Variants in CEP128 observed in about 807,000 individuals in gnomAD.
The protein encoded by CEP128 is centrosomal protein 128kDa.
Under a neutral mutation model 156.7 loss-of-function variants are expected in CEP128, and 132 were observed. That is an observed-to-expected ratio of 0.84 (90% CI 0.73 to 0.97). CEP128 has a LOEUF of 0.97. CEP128 is among the 50% of genes least tolerant of loss of function. The pLI is 0.00. For synonymous variants in CEP128, 469 were observed against 448.9 expected (o/e 1.04, Z -0.57); for missense variants, 1,252 against 1,281.9 (o/e 0.98, Z 0.36).
chr14:80,860,625 A>G (rs1017355498), intron 9 of CEP128, among the ~76,000 whole-genome samples: 1 of 151,978 alleles, frequency 6.6e-6, no homozygotes, highest in Non-Finnish European at 1.5e-5. Context: ...TCAAGGTTAA[A>G]AAAAAAAAGC....
At chr14:80,923,870 T>C (rs553029136) in intron 2 of CEP128, among the ~76,000 whole-genome samples, 5 of 152,170 alleles carry the variant, frequency 3.3e-5, no homozygotes, top group Non-Finnish European at 7.3e-5. Context: ...GACAGGATCA[T>C]GGAGGCAGTT....
chr14:80,695,708 C>T (rs1222636566), intron 19 of CEP128, among the ~76,000 whole-genome samples: 1 of 124,978 alleles, frequency 8.0e-6, no homozygotes, highest in Non-Finnish European at 1.6e-5. Context: ...CAAGAGACTC[C>T]ATCTCAAAAA....
chr14:80,923,270 G>T (rs1475623309), intron 2 of CEP128, among the ~76,000 whole-genome samples: 1 of 152,160 alleles, frequency 6.6e-6, no homozygotes, highest in Non-Finnish European at 1.5e-5. Flanking sequence ...CTATCCATCT[G>T]AAACAAATGC....
intron 19 of CEP128, among the ~76,000 whole-genome samples, chr14:80,668,538 C>T (rs114068807): frequency 0.052 from 7,984 of 152,112 alleles, 374 homozygotes; most frequent in South Asian, 0.25. Context: ...TAACATGAAA[C>T]ATCAATTATG....
At chr14:80,578,947 G>C (rs1314531994) in intron 20 of CEP128, among the ~76,000 whole-genome samples, 1 of 152,130 alleles carries the variant, frequency 6.6e-6, no homozygotes, top group Non-Finnish European at 1.5e-5. Flanking sequence ...ATAGCTAGTT[G>C]GTTGGTGCAT....
intron 12 of CEP128, 134 bp from the exon 13 acceptor site, chr14:80,831,428 T>C (rs1595469964): frequency 1.2e-6 from 1 of 858,744 alleles, no homozygotes; most frequent in South Asian, 2.3e-5. Context: ...TCAACAGACT[T>C]TGCCAGCCTG....
intron 19 of CEP128, among the ~76,000 whole-genome samples, chr14:80,720,026 G>A (rs1897754906): frequency 6.6e-6 from 1 of 152,114 alleles, no homozygotes; most frequent in African/African-American, 2.4e-5. Context: ...GGGTAATGGA[G>A]CAAGATCCCT....
At chr14:80,896,372 T>C (rs1391042713) in intron 7 of CEP128, among the ~76,000 whole-genome samples, 1 of 152,206 alleles carries the variant, frequency 6.6e-6, no homozygotes, top group Non-Finnish European at 1.5e-5. Context: ...ACTGTCTTAC[T>C]TCTGGCTGCA....
intron 19 of CEP128, among the ~76,000 whole-genome samples, chr14:80,639,477 T>C (rs547514371): frequency 5.9e-5 from 9 of 152,178 alleles, no homozygotes; most frequent in Non-Finnish European, 8.8e-5. Flanking sequence ...CCCAGCAATG[T>C]GTGCCTGAAG....
chr14:80,720,602 T>C (rs36055485), intron 19 of CEP128, among the ~76,000 whole-genome samples: 71,708 of 152,008 alleles, frequency 0.47, 17,174 homozygotes, highest in Non-Finnish European at 0.5. Flanking sequence ...TTATGTAACG[T>C]AAGTCTTGGT....
intron 21 of CEP128, among the ~76,000 whole-genome samples, chr14:80,535,593 G>A (rs544285473): frequency 1.7e-4 from 26 of 150,410 alleles, no homozygotes; most frequent in Admixed American, 7.9e-4. Flanking sequence ...GTGCACACAC[G>A]CGCACGCATA....
chr14:80,815,288 T>C (rs1566646250), intron 13 of CEP128, among the ~76,000 whole-genome samples: 1 of 152,086 alleles, frequency 6.6e-6, no homozygotes, highest in Non-Finnish European at 1.5e-5. Flanking sequence ...AAAGAAGACA[T>C]ACATGGCCAA....
intron 20 of CEP128, among the ~76,000 whole-genome samples, chr14:80,577,126 A>T (rs1052078541): frequency 6.6e-6 from 1 of 152,138 alleles, no homozygotes; most frequent in African/African-American, 2.4e-5. Flanking sequence ...TTTATGTCTT[A>T]GATTCCTTTG....
intron 8 of CEP128, among the ~76,000 whole-genome samples, chr14:80,895,332 C>G (rs1188599250): frequency 6.6e-6 from 1 of 152,074 alleles, no homozygotes; most frequent in African/African-American, 2.4e-5. Context: ...GGGAGTGCTA[C>G]AAAACCACTG....
intron 2 of CEP128, among the ~76,000 whole-genome samples, chr14:80,938,637 AG>A (rs988441390): frequency 2.6e-5 from 4 of 152,190 alleles, no homozygotes; most frequent in African/African-American, 9.7e-5. Flanking sequence ...ATCCAAAAAA[AG>A]GTCCAGAATT....
At chr14:80,701,429 T>C (rs1282118388) in intron 19 of CEP128, among the ~76,000 whole-genome samples, 2 of 152,090 alleles carry the variant, frequency 1.3e-5, no homozygotes, top group African/African-American at 4.8e-5. Context: ...GATGTCACTT[T>C]ATAGTGGCTG....
chr14:80,682,041 A>T (rs1233692463), intron 19 of CEP128, among the ~76,000 whole-genome samples: 1 of 152,136 alleles, frequency 6.6e-6, no homozygotes, highest in East Asian at 1.9e-4. Context: ...CTAGGAGATC[A>T]AACACACAGT....
At chr14:80,765,622 C>T (rs973005727) in intron 16 of CEP128, among the ~76,000 whole-genome samples, 1 of 152,146 alleles carries the variant, frequency 6.6e-6, no homozygotes, top group Non-Finnish European at 1.5e-5. Context: ...ATGCCTGGAG[C>T]TAGGGAATGT....
At chr14:80,529,802 G>A (rs1377517510) in intron 22 of CEP128, among the ~76,000 whole-genome samples, 1 of 152,140 alleles carries the variant, frequency 6.6e-6, no homozygotes, top group African/African-American at 2.4e-5. Flanking sequence ...ACTTGGTTTT[G>A]TTCAATTTGG....
Sources: allele counts gnomAD v4.1 joint callset (sites outside exome capture counted in the v4.1 genomes callset), GRCh38; gene constraint gnomAD v4.1.1; transcripts MANE v1.5; gene names NCBI Gene and HGNC (gene_info 2026-07-23, HGNC 2026-07-21).